Variants in RIMS2 observed in about 807,000 individuals in gnomAD.
RIMS2 encodes regulating synaptic membrane exocytosis 2.
A neutral mutation model predicts 174.4 loss-of-function variants in RIMS2; 59 were observed. That is an observed-to-expected ratio of 0.34 (90% CI 0.27 to 0.42). The LOEUF (loss-of-function observed/expected upper bound fraction) is 0.42. RIMS2 is among the 10% of genes least tolerant of loss of function. The pLI is 1.00. For synonymous variants in RIMS2, 606 were observed against 572.5 expected, an observed-to-expected ratio of 1.06 and a Z score of -0.84; for missense variants, 1,620 against 1,666.3, an observed-to-expected ratio of 0.97 and a Z score of 0.48.
intron 2 of RIMS2, among the ~76,000 whole-genome samples, chr8:103,726,745 A>T (rs12707795): frequency 0.2 from 29,406 of 147,390 alleles, 3,232 homozygotes; most frequent in African/African-American, 0.28. Flanking sequence ...ATATATATAT[A>T]TTTTTGAGAC....
intron 19 of RIMS2, among the ~76,000 whole-genome samples, chr8:104,171,265 G>A (rs985534078): frequency 1.3e-5 from 2 of 151,852 alleles, no homozygotes; most frequent in Admixed American, 6.6e-5. Flanking sequence ...TTCTCCCTCA[G>A]GAATACTAAT....
chr8:103,936,061 T>C (rs982588540), intron 12 of RIMS2, among the ~76,000 whole-genome samples: 1 of 152,172 alleles, frequency 6.6e-6, no homozygotes. Context: ...TAAAAAAGTA[T>C]CTTTATAAAA....
chr8:103,920,835 A>C, intron 9 of RIMS2: 1 of 346,700 alleles, frequency 2.9e-6, no homozygotes, highest in South Asian at 2.1e-5. Context: ...TAAAAAAAAA[A>C]AAAAATACAA....
At chr8:103,684,663 C>G (rs1031545355) in intron 1 of RIMS2, among the ~76,000 whole-genome samples, 3 of 151,502 alleles carry the variant, frequency 2.0e-5, no homozygotes, top group African/African-American at 7.3e-5. Flanking sequence ...CTCAGCTCAC[C>G]GCAACTTCCG....
intron 9 of RIMS2, chr8:103,920,725 C>T (rs1390534858): frequency 4.4e-6 from 2 of 456,612 alleles, no homozygotes; most frequent in African/African-American, 4.0e-5. Flanking sequence ...CGTGGTGGCT[C>T]ACGCGTGTAA....
At chr8:103,913,138 ATT>A (rs535649216) in intron 6 of RIMS2, among the ~76,000 whole-genome samples, 1 of 131,334 alleles carries the variant, frequency 7.6e-6, no homozygotes, top group Non-Finnish European at 1.6e-5. Flanking sequence ...ATACCCAGCT[ATT>A]TTTTTTTTTT....
At chr8:103,540,804 G>A (rs1361322325) in intron 1 of RIMS2, among the ~76,000 whole-genome samples, 1 of 151,958 alleles carries the variant, frequency 6.6e-6, no homozygotes, top group South Asian at 2.1e-4. Context: ...CTTTTGAGTT[G>A]GAATTGTAAA....
chr8:103,519,021 C>G (rs989623403), intron 1 of RIMS2, among the ~76,000 whole-genome samples: 3 of 151,972 alleles, frequency 2.0e-5, no homozygotes, highest in Admixed American at 6.6e-5. Flanking sequence ...CCTTCACAGC[C>G]CCTCTCCAAC....
At chr8:103,966,451 G>A (rs7357535) in intron 15 of RIMS2, among the ~76,000 whole-genome samples, 102,923 of 151,832 alleles carry the variant, frequency 0.68, 35,701 homozygotes, top group African/African-American at 0.74. Flanking sequence ...TTTAATGTCC[G>A]TGGGATCTGT....
At chr8:103,854,224 G>C in intron 3 of RIMS2, among the ~76,000 whole-genome samples, 1 of 151,660 alleles carries the variant, frequency 6.6e-6, no homozygotes, top group Non-Finnish European at 1.5e-5. Context: ...TTTTTACATT[G>C]ATTTTGTAAT....
At chr8:104,089,405 A>G (rs1021041491) in intron 19 of RIMS2, among the ~76,000 whole-genome samples, 5 of 151,846 alleles carry the variant, frequency 3.3e-5, no homozygotes, top group Non-Finnish European at 5.9e-5. Flanking sequence ...TATCCATTTT[A>G]AATGTTGACT....
rs1430734777 is a variant in RIMS2, at chr8:103,791,028, C to G, written c.698+24491C>G. On this transcript the variant is annotated intron_variant, in intron 3 of 23. Transcript: ENST00000504942. ...TATTATCCAGGAGAACTTTCCCAAC[C>G]TAGCAAGGCAGGCCAACATTCAAAT... Among the ~76,000 whole-genome samples the G allele has an allele frequency of 2.0e-5, 3 of 152,136 alleles. No homozygotes were observed. The South Asian group carries it at 6.2e-4, about 32-fold the overall frequency.
At chr8:103,932,959 C>T (rs1202903046) in intron 12 of RIMS2, among the ~76,000 whole-genome samples, 2 of 150,832 alleles carry the variant, frequency 1.3e-5, no homozygotes, top group African/African-American at 4.9e-5. Flanking sequence ...GAGTTTGAGA[C>T]CAGTCTGGCC....
chr8:104,201,272 C>CT (rs2099053321), intron 19 of RIMS2, among the ~76,000 whole-genome samples: 1 of 152,066 alleles, frequency 6.6e-6, no homozygotes, highest in South Asian at 2.1e-4. Context: ...TTGTCTTATT[C>CT]TTTTTGTGGG....
chr8:103,826,786 A>T lies in RIMS2; in HGVS notation c.699-58512A>T, dbSNP rs565833124. On this transcript the variant is annotated intron_variant, in intron 3 of 23. Transcript: ENST00000504942. ...AGCCTCCAACTCCTGGACTCAAGTG[A>T]TCCTTCTTCCTCAGCCTCCCAGTAG... 4.6e-5 allele frequency among the ~76,000 whole-genome samples: 7 copies of T among 151,120 alleles called. No individual in the cohort carries two copies. In the East Asian group the frequency reaches 1.4e-3, roughly 29 times the overall value.
exon 8 of RIMS2, chr8:103,916,434 A>G (rs1375055472): frequency 6.2e-7 from 1 of 1,608,752 alleles, no homozygotes; most frequent in South Asian, 1.1e-5. Flanking sequence ...ATTAGAATGG[A>G]ATGGAAGACT....
chr8:103,664,483 T>G (rs1358758760), intron 1 of RIMS2, among the ~76,000 whole-genome samples: 1 of 152,134 alleles, frequency 6.6e-6, no homozygotes, highest in Non-Finnish European at 1.5e-5. Context: ...GAACAGACAC[T>G]TCTCAAAAGA....
At chr8:104,252,049 A>G (rs975302913), downstream of RIMS2, 1 of 552,700 alleles carries the variant, frequency 1.8e-6, no homozygotes. Context: ...TTTGGAATTC[A>G]ATGACACTCG....
intron 19 of RIMS2, among the ~76,000 whole-genome samples, chr8:104,036,383 C>A (rs1197863031): frequency 6.6e-6 from 1 of 151,460 alleles, no homozygotes; most frequent in Non-Finnish European, 1.5e-5. Flanking sequence ...TATCTCCTGA[C>A]CTCGTGATCC....
Sources: gnomAD v4.1 joint callset for allele counts (sites outside exome capture counted in the v4.1 genomes callset) on GRCh38, gnomAD v4.1.1 for gene constraint, MANE v1.5 for transcripts, NCBI Gene and HGNC (gene_info 2026-07-23, HGNC 2026-07-21) for gene names.